ATG12: variants seen among roughly 807,000 people sequenced by gnomAD.
The protein encoded by ATG12 is autophagy related 12.
A neutral mutation model predicts 17.6 loss-of-function variants in ATG12; 19 were observed. That is an observed-to-expected ratio of 1.08 (90% confidence interval 0.75 to 1.58). The LOEUF is 1.58. Ranked by LOEUF, ATG12 falls within the 40% of genes most tolerant of loss-of-function variation. The pLI, the probability that ATG12 is intolerant of heterozygous loss-of-function variation, is 0.00. For synonymous variants in ATG12, 75 were observed against 62.4 expected, an observed-to-expected ratio of 1.20 and a Z score of -0.95; for missense variants, 214 against 162.0, an observed-to-expected ratio of 1.32 and a Z score of -1.74.
chr5:115,837,001 A>C (rs1761129931), intron 2 of ATG12, among the ~76,000 whole-genome samples: 1 of 152,218 alleles, frequency 6.6e-6, no homozygotes, highest in Non-Finnish European at 1.5e-5. Context: ...ATAGGAAAAA[A>C]GTAACTGCTA....
At chr5:115,841,165 T>A in intron 1 of ATG12, 1 of 492,048 alleles carries the variant, frequency 2.0e-6, no homozygotes, top group Non-Finnish European at 3.5e-6. Flanking sequence ...AAAATAAGTG[T>A]GGCAGCCAAG....
At chr5:115,834,405 A>G (rs1480770643) in intron 2 of ATG12, 2 of 152,240 alleles carry the variant, frequency 1.3e-5, no homozygotes, top group Non-Finnish European at 2.9e-5. Context: ...TAAGTGGCGT[A>G]TAATTTGTTA....
chr5:115,835,426 T>C (rs1761053373), intron 2 of ATG12, among the ~76,000 whole-genome samples: 1 of 152,204 alleles, frequency 6.6e-6, no homozygotes, highest in Admixed American at 6.5e-5. Flanking sequence ...TTGTTGTTTT[T>C]TGTATACTAT....
intron 2 of ATG12, chr5:115,834,868 C>T (rs570816333): frequency 6.6e-6 from 1 of 152,276 alleles, no homozygotes; most frequent in East Asian, 1.9e-4. Flanking sequence ...TGGGTTGATA[C>T]TCTCAGGTAC....
Position 115,832,635 on chromosome 5 carries a change from A to G in ATG12, c.330T>C (p.Pro110=). ...GAGTTCCAACTTCTTGGTCTGGGGA[A>G]GGAGCAAAGGACTGATTCACATAAA... ...LFIYVNQSFA[P]SPDQEVGTLY... Residue 110 remains proline, a synonymous_variant, in exon 3 of 4, where the codon CCT becomes CCC. Coordinates refer to ENST00000509910, the MANE Select transcript of ATG12 (RefSeq NM_004707.4). 6.8e-7 allele frequency: 1 copy of G among 1,467,058 alleles called. No individual in the cohort carries two copies. Among genetic ancestry groups the G allele is most frequent in the Non-Finnish European group, 9.0e-7 (1 of 1,111,456 alleles). 90.9% of individuals were successfully genotyped at this position (1,467,058 alleles called of 1,614,324 possible).
In ATG12 at chr5:115,831,163, T is replaced by A. The variant is rs374376128; in HGVS notation, c.*641A>T. On this transcript the variant is annotated 3_prime_UTR_variant, in exon 4 of 4. Coordinates refer to ENST00000509910, the MANE Select transcript of ATG12 (RefSeq NM_004707.4). The stretch of plus-strand genomic sequence containing the variant: ...TGTCCAGAATTTATATTTTTCTGTA[T>A]CCCAATAAAATAATTAAGCCATGTG... 2 of 152,234 alleles carry A rather than the reference T, an allele frequency of 1.3e-5. No individual in the cohort carries two copies. Among genetic ancestry groups the A allele is most frequent in the East Asian group, 3.8e-4 (2 of 5,196 alleles). The allele number at this position is 152,234 out of a possible 1,614,324, so 9.4% of individuals were successfully genotyped here.
rs377716076 is a variant in ATG12 at position 115,832,679 on chromosome 5, G to A, written c.301-15C>T. 2 of 1,497,790 alleles carry A rather than the reference G, an allele frequency of 1.3e-6. No homozygotes were observed. 92.8% of individuals were successfully genotyped at this position (1,497,790 alleles called of 1,614,324 possible). On this transcript the variant is annotated splice_polypyrimidine_tract_variant and intron_variant, in intron 2 of 3. Coordinates refer to ENST00000509910, the MANE Select transcript of ATG12 (RefSeq NM_004707.4). Reference sequence around the variant, plus strand: ...ACATAAATAAACTACAAGAAAGGAAGGAAAAACAGAGATGTTTAATGGTAT... The same window carrying A: ...ACATAAATAAACTACAAGAAAGGAAAGAAAAACAGAGATGTTTAATGGTAT...
chr5:115,837,089 A>C (rs989600418), intron 2 of ATG12, among the ~76,000 whole-genome samples: 2 of 152,240 alleles, frequency 1.3e-5, no homozygotes, highest in Non-Finnish European at 2.9e-5. Context: ...ATTTTTATGC[A>C]TGGGTATTCA....
In ATG12 at chr5:115,841,464, G is replaced by A; in HGVS notation, c.89C>T (p.Thr30Ile). The A allele has an allele frequency of 6.2e-7, 1 of 1,611,214 alleles. No homozygotes were observed. The highest frequency in any genetic ancestry group is 8.5e-7 in the Non-Finnish European group (1 of 1,179,290). ...AGCGGAAGACGGGGGCTCCGGGGTGGTTGTTTCTGGGGAGACATCCGTAAG... is the reference window on the plus strand; with the variant it reads ...AGCGGAAGACGGGGGCTCCGGGGTGATTGTTTCTGGGGAGACATCCGTAAG... ...EGLTDVSPETTTPEPPSSAAV... is the reference protein window; with the variant it reads ...EGLTDVSPETITPEPPSSAAV... The change falls in exon 1 of 4, where the codon ACC (threonine) becomes ATC (isoleucine). Residue 30 changes from threonine (T) to isoleucine (I), a missense_variant. Transcript: ENST00000509910.
At chr5:115,840,577 A>C (rs377674304) in intron 1 of ATG12, 1 of 1,277,048 alleles carries the variant, frequency 7.8e-7, no homozygotes, top group Non-Finnish European at 1.0e-6. Context: ...GGATTACAGG[A>C]GTGAGCCACC....
intron 1 of ATG12, chr5:115,838,075 C>A: frequency 4.5e-6 from 1 of 221,010 alleles, no homozygotes; most frequent in South Asian, 8.5e-5. Context: ...AAAATAATGT[C>A]ATGTCCCTTT....
chr5:115,838,918 T>C (rs1761213346), intron 1 of ATG12: 1 of 152,268 alleles, frequency 6.6e-6, no homozygotes, highest in Admixed American at 6.5e-5. Context: ...AACTTCTTGT[T>C]CACGACCAGC....
chr5:115,841,332 C>A lies in ATG12; in HGVS notation c.163+58G>T. On this transcript the variant is annotated intron_variant, in intron 1 of 3. Transcript: ENST00000509910. Reference sequence around the variant, plus strand: ...ATTTTGCTTCTTTACTGGCCGCCACCCCTACTCGGATGCAATCTGAACCTC... The same window carrying A: ...ATTTTGCTTCTTTACTGGCCGCCACACCTACTCGGATGCAATCTGAACCTC... 1.9e-6 allele frequency: 3 copies of A among 1,604,536 alleles called. No homozygotes were observed. The South Asian group carries it at 3.3e-5, about 18-fold the overall frequency.
At chr5:115,836,232 A>G (rs1364521969) in intron 2 of ATG12, among the ~76,000 whole-genome samples, 1 of 152,192 alleles carries the variant, frequency 6.6e-6, no homozygotes, top group African/African-American at 2.4e-5. Flanking sequence ...ATATGGTTCA[A>G]CCTACTATGT....
At chr5:115,833,760 CAG>C (rs1383959790) in intron 2 of ATG12, 2 of 152,082 alleles carry the variant, frequency 1.3e-5, no homozygotes, top group African/African-American at 2.4e-5. Flanking sequence ...AGAACTGTAA[CAG>C]AAAACAATGT....
chr5:115,837,694 T>C lies in ATG12; in HGVS notation c.234A>G (p.Thr78=), dbSNP rs765499768. ...AGTCAATGAGTCCTTGGATGGTTCG[T>C]GTTCGCTCTACTGCCCACTTCTTTG... The part of the protein sequence containing the change: ...MKTKKWAVER[T]RTIQGLIDFI... Residue 78 remains threonine (T), a synonymous_variant, in exon 2 of 4, where the codon ACA becomes ACG. Transcript: ENST00000509910. 8 of 1,613,600 alleles carry C rather than the reference T, an allele frequency of 5.0e-6. No individual in the cohort carries two copies. The highest frequency in any genetic ancestry group is 6.8e-6 in the Non-Finnish European group (8 of 1,179,946).
chr5:115,840,646 A>G (rs1263500356), intron 1 of ATG12: 1 of 1,245,642 alleles, frequency 8.0e-7, no homozygotes, highest in Admixed American at 2.9e-5. Context: ...TCTAAGGACG[A>G]AATCAGCCTC....
chr5:115,839,180 G>A (rs1186632585), intron 1 of ATG12: 2 of 150,806 alleles, frequency 1.3e-5, no homozygotes, highest in Non-Finnish European at 2.9e-5. Context: ...AAGCAAAACA[G>A]TGTATTGCTG....
At chr5:115,840,835 T>C in intron 1 of ATG12, 2 of 1,248,366 alleles carry the variant, frequency 1.6e-6, no homozygotes, top group Non-Finnish European at 2.1e-6. Flanking sequence ...CCAAAATGTG[T>C]TTCTTAAAAA....
Sources: allele counts gnomAD v4.1 joint callset (sites outside exome capture counted in the v4.1 genomes callset), GRCh38; gene constraint gnomAD v4.1.1; transcripts MANE v1.5; gene names NCBI Gene and HGNC (gene_info 2026-07-23, HGNC 2026-07-21).